Variants in UVRAG observed in about 807,000 individuals in gnomAD.
UVRAG encodes UV radiation resistance-associated gene protein.
A neutral mutation model predicts 78.0 loss-of-function variants in UVRAG; 19 were observed. The observed-to-expected ratio is 0.24, with a 90% confidence interval of 0.17 to 0.36. UVRAG has a LOEUF of 0.36. Ranked by LOEUF, UVRAG falls within the 10% of genes least tolerant of loss-of-function variation. The pLI, the probability that UVRAG is intolerant of heterozygous loss-of-function variation, is 1.00. For missense variants in UVRAG, 740 were observed against 853.8 expected, an observed-to-expected ratio of 0.87 and a Z score of 1.66; for synonymous variants, 323 against 324.6, an observed-to-expected ratio of 1.00 and a Z score of 0.05.
intron 12 of UVRAG, among the ~76,000 whole-genome samples, chr11:76,061,727 G>A (rs1044603751): frequency 6.6e-5 from 10 of 151,992 alleles, no homozygotes; most frequent in Admixed American, 3.3e-4. Context: ...AACAAACTCC[G>A]GACACACCGC....
rs762221601 is a variant in UVRAG, at chr11:76,006,660, CAAAAAAAAAAAAAAAA to C, written c.912-863_912-848del. Among the ~76,000 whole-genome samples, 39 of 62,370 alleles carry C rather than the reference CAAAAAAAAAAAAAAAA, an allele frequency of 6.3e-4. 1 individual carries two copies. Among genetic ancestry groups the C allele is most frequent in the African/African-American group, 2.8e-3 (37 of 13,130 alleles). The allele number at this position is 62,370 out of a possible 152,430, so 40.9% of individuals were successfully genotyped here. On this transcript the variant is annotated intron_variant, in intron 9 of 14. Transcript: ENST00000356136. ...TGAGTGTTAAAGTGAGACCCCGTCT[CAAAAAAAAAAAAAAAA>C]AAAAAAAAAAGAGAGAGAGAAGGGT...
At chr11:75,865,026 G>A (rs1447802839) in intron 3 of UVRAG, among the ~76,000 whole-genome samples, 4 of 152,244 alleles carry the variant, frequency 2.6e-5, no homozygotes, top group East Asian at 1.9e-4. Flanking sequence ...GGTGGCCTAC[G>A]CCTGTAATCC....
At chr11:75,928,193 G>A (rs751607410) in intron 6 of UVRAG, among the ~76,000 whole-genome samples, 3 of 152,176 alleles carry the variant, frequency 2.0e-5, no homozygotes, top group East Asian at 1.9e-4. Flanking sequence ...TCAGAAAACT[G>A]CTGCTGGTGA....
At chr11:76,060,848 T>A (rs991609544) in intron 12 of UVRAG, among the ~76,000 whole-genome samples, 7 of 152,168 alleles carry the variant, frequency 4.6e-5, no homozygotes, top group Non-Finnish European at 8.8e-5. Context: ...AGCCTCCCCC[T>A]CCTCCGTGGG....
chr11:75,913,308 G>A (rs1460546177), intron 6 of UVRAG, among the ~76,000 whole-genome samples: 2 of 152,206 alleles, frequency 1.3e-5, no homozygotes, highest in Admixed American at 1.3e-4. Flanking sequence ...GAGGATTTGG[G>A]ATAGTGCAGT....
chr11:75,864,214 C>T (rs997544427), intron 3 of UVRAG, among the ~76,000 whole-genome samples: 3 of 151,994 alleles, frequency 2.0e-5, no homozygotes, highest in African/African-American at 7.3e-5. Flanking sequence ...AACCACCATG[C>T]CTGACTAATT....
chr11:75,995,015 A>T (rs568195403), intron 8 of UVRAG, among the ~76,000 whole-genome samples: 35 of 152,302 alleles, frequency 2.3e-4, no homozygotes, highest in African/African-American at 7.5e-4. Context: ...ATTCTGAATT[A>T]TACAGTCAAG....
chr11:76,003,068 T>C (rs1221448044), intron 8 of UVRAG, among the ~76,000 whole-genome samples: 82 of 151,706 alleles, frequency 5.4e-4, no homozygotes, highest in Non-Finnish European at 1.2e-4. Context: ...ACAGAAACCC[T>C]GTCTAAAAAA....
At chr11:75,833,414 G>A (rs1670708322) in intron 1 of UVRAG, among the ~76,000 whole-genome samples, 1 of 151,826 alleles carries the variant, frequency 6.6e-6, no homozygotes, top group African/African-American at 2.4e-5. Context: ...ATAATTTTAT[G>A]TGAATCATTT....
chr11:76,108,860 C>T (rs1952020667), intron 13 of UVRAG, among the ~76,000 whole-genome samples: 1 of 152,144 alleles, frequency 6.6e-6, no homozygotes, highest in South Asian at 2.1e-4. Flanking sequence ...TGTTTCTCCC[C>T]ACTTCCCATC....
At chr11:75,885,771 C>G (rs182463071) in intron 4 of UVRAG, among the ~76,000 whole-genome samples, 28 of 152,184 alleles carry the variant, frequency 1.8e-4, no homozygotes, top group Non-Finnish European at 1.2e-4. Flanking sequence ...GAAATGTGCA[C>G]AGTAGTGTGC....
At chr11:76,097,961 T>C (rs939331390) in intron 13 of UVRAG, among the ~76,000 whole-genome samples, 33 of 152,160 alleles carry the variant, frequency 2.2e-4, no homozygotes, top group African/African-American at 8.0e-4. Context: ...CTAACCCTAT[T>C]ACTTTAATCT....
intron 1 of UVRAG, among the ~76,000 whole-genome samples, chr11:75,828,758 TATATATATATATATATACACAC>T (rs1945583308): frequency 8.8e-6 from 1 of 113,116 alleles, no homozygotes; most frequent in Admixed American, 8.8e-5. Context: ...CACACACATA[TATATATATATATATATACACAC>T]ATATATATAT....
Position 75,815,244 on chromosome 11 carries a change from C to T in UVRAG, c.-164C>T. ...GCTCTTCCTTAGCCAGCGGCGGCAA[C>T]GGCGGCAGCGGCGGCAGCGGCGGCG... On this transcript the variant is annotated 5_prime_UTR_variant, in exon 1 of 15. It adds an upstream start codon to the 5' untranslated region. Transcript: ENST00000356136. 4.5e-6 allele frequency: 2 copies of T among 444,136 alleles called. No homozygotes were observed. Among genetic ancestry groups the T allele is most frequent in the Non-Finnish European group, 7.8e-6 (2 of 256,744 alleles). 27.5% of individuals were successfully genotyped at this position (444,136 alleles called of 1,614,324 possible).
chr11:75,970,732 CAAA>C (rs59187207), intron 7 of UVRAG, among the ~76,000 whole-genome samples: 4 of 66,328 alleles, frequency 6.0e-5, no homozygotes, highest in Non-Finnish European at 6.6e-5. Flanking sequence ...GACTCCATCT[CAAA>C]AAAAAAAAAA....
intron 12 of UVRAG, among the ~76,000 whole-genome samples, chr11:76,036,332 T>G (rs903812214): frequency 1.1e-4 from 17 of 152,212 alleles, no homozygotes; most frequent in African/African-American, 4.1e-4. Flanking sequence ...GAGGATCACT[T>G]GAGCCCAGGA....
At chr11:75,822,962 T>C (rs11600337) in intron 1 of UVRAG, among the ~76,000 whole-genome samples, 1 of 152,066 alleles carries the variant, frequency 6.6e-6, no homozygotes, top group Non-Finnish European at 1.5e-5. Context: ...CATGGCCTGG[T>C]CTTTCTGGTG....
intron 1 of UVRAG, chr11:75,835,293 A>T (rs1388961896): frequency 6.6e-6 from 1 of 152,220 alleles, no homozygotes; most frequent in African/African-American, 2.4e-5. Flanking sequence ...TGAACACTAA[A>T]TTGAGAAAAC....
intron 11 of UVRAG, among the ~76,000 whole-genome samples, chr11:76,011,390 G>A (rs116352956): frequency 0.015 from 2,244 of 152,304 alleles, 56 homozygotes; most frequent in African/African-American, 0.051. Context: ...TTGGGAGGCT[G>A]AAGTGTGCAG....
Sources: allele counts gnomAD v4.1 joint callset (sites outside exome capture counted in the v4.1 genomes callset), GRCh38; gene constraint gnomAD v4.1.1; transcripts MANE v1.5; gene names NCBI Gene and HGNC (gene_info 2026-07-23, HGNC 2026-07-21).